Variants in DCC observed in about 807,000 individuals in gnomAD.
The protein encoded by DCC is DCC netrin 1 receptor, also known as netrin receptor DCC.
A neutral mutation model predicts 172.5 loss-of-function variants in DCC; 58 were observed. That is an observed-to-expected ratio of 0.34 (90% CI 0.27 to 0.42). DCC has a LOEUF of 0.42. Among genes scored for constraint, DCC ranks in the 10% least tolerant of loss-of-function variants. The probability of loss-of-function intolerance (pLI) is 1.00; values close to 1 mark genes in which losing one functional copy is unlikely to be tolerated. For synonymous variants in DCC, 709 were observed against 644.5 expected (o/e 1.10, Z -1.52); for missense variants, 1,740 against 1,791.0 (o/e 0.97, Z 0.51).
chr18:53,172,707 A>T (rs1298993278), intron 8 of DCC, among the ~76,000 whole-genome samples: 2 of 152,240 alleles, frequency 1.3e-5, no homozygotes, highest in East Asian at 3.9e-4. Flanking sequence ...AGCAGATGAT[A>T]GACAAATTGA....
At chr18:52,488,632 G>T (rs1145253) in intron 1 of DCC, among the ~76,000 whole-genome samples, 31,128 of 151,980 alleles carry the variant, frequency 0.2, 4,046 homozygotes, top group Non-Finnish European at 0.29. Context: ...TAATTTGTGG[G>T]ACCTTCCAAG....
intron 21 of DCC, 57 bp downstream of exon 21, chr18:53,416,213 A>AGGAT: frequency 8.2e-7 from 1 of 1,221,240 alleles, no homozygotes; most frequent in African/African-American, 1.5e-5. Flanking sequence ...TCTGTTAGAC[A>AGGAT]TGTCAGTCAT....
At chr18:53,210,282 G>A (rs1201532780) in intron 11 of DCC, among the ~76,000 whole-genome samples, 2 of 152,126 alleles carry the variant, frequency 1.3e-5, no homozygotes, top group Admixed American at 1.3e-4. Context: ...ACATTTAATA[G>A]TCACCTGCTT....
chr18:53,249,188 T>G lies in DCC; in HGVS notation c.1911+33591T>G, dbSNP rs543793192. Among the ~76,000 whole-genome samples the G allele has an allele frequency of 2.4e-4, 37 of 152,148 alleles. No homozygotes were observed. In the South Asian group the frequency reaches 7.2e-3, roughly 30 times the overall value. On this transcript the variant is annotated intron_variant, in intron 12 of 28. Transcript: ENST00000442544. ...ATGAGCTTTAGGAATTTACACAGTT[T>G]GCAGAGTTGGTTCACTACATTGTCA...
At chr18:53,319,034 A>G (rs530730208) in intron 13 of DCC, among the ~76,000 whole-genome samples, 33 of 152,324 alleles carry the variant, frequency 2.2e-4, no homozygotes, top group Admixed American at 5.9e-4. Context: ...CAAAGAAGAA[A>G]TAAAAGCCTT....
chr18:52,378,322 A>AG, intron 1 of DCC, among the ~76,000 whole-genome samples: 1 of 151,560 alleles, frequency 6.6e-6, no homozygotes, highest in East Asian at 1.9e-4. Flanking sequence ...AAAAAAAAAA[A>AG]CTAGAATTTC....
At chr18:52,654,072 C>T (rs1214389614) in intron 1 of DCC, among the ~76,000 whole-genome samples, 3 of 152,122 alleles carry the variant, frequency 2.0e-5, no homozygotes, top group African/African-American at 7.2e-5. Flanking sequence ...AAGGGAACAC[C>T]CTTATTTGGA....
chr18:52,817,684 C>G (rs749959592), intron 2 of DCC, among the ~76,000 whole-genome samples: 8 of 152,004 alleles, frequency 5.3e-5, no homozygotes, highest in Non-Finnish European at 1.2e-4. Context: ...TGTGTATGTA[C>G]ACGCATGCAT....
chr18:53,090,314 A>T (rs923752123), intron 7 of DCC, among the ~76,000 whole-genome samples: 1 of 152,100 alleles, frequency 6.6e-6, no homozygotes, highest in African/African-American at 2.4e-5. Flanking sequence ...TCACTTTCTG[A>T]TAGTGAAAAA....
chr18:52,892,081 C>T (rs749814390), intron 2 of DCC, among the ~76,000 whole-genome samples: 2 of 152,076 alleles, frequency 1.3e-5, no homozygotes, highest in African/African-American at 2.4e-5. Context: ...TAATCTTTTG[C>T]CATGTTCCTC....
chr18:53,454,048 G>A (rs2045451196), intron 23 of DCC, among the ~76,000 whole-genome samples: 2 of 152,088 alleles, frequency 1.3e-5, no homozygotes, highest in African/African-American at 4.8e-5. Context: ...ATCTAATACA[G>A]AAAAAATTAT....
At chr18:52,573,212 T>TA (rs1392375504) in intron 1 of DCC, among the ~76,000 whole-genome samples, 1 of 152,096 alleles carries the variant, frequency 6.6e-6, no homozygotes, top group East Asian at 1.9e-4. Flanking sequence ...CTATCAATAA[T>TA]AAAAATACAT....
intron 1 of DCC, among the ~76,000 whole-genome samples, chr18:52,625,921 T>C (rs2034565553): frequency 1.3e-5 from 2 of 152,178 alleles, no homozygotes; most frequent in African/African-American, 2.4e-5. Context: ...TCTCAACTCA[T>C]CAGCGGCTCC....
intron 1 of DCC, 138 bp downstream of exon 1, chr18:52,341,016 G>A (rs1983607562): frequency 2.7e-6 from 2 of 740,320 alleles, no homozygotes; most frequent in Non-Finnish European, 4.8e-6. Flanking sequence ...TTTGCGCACC[G>A]ATGATAAAAG....
chr18:53,280,524 G>A (rs2056858605), intron 12 of DCC, among the ~76,000 whole-genome samples: 1 of 152,090 alleles, frequency 6.6e-6, no homozygotes, highest in South Asian at 2.1e-4. Context: ...GAAGGAGCAT[G>A]CTCTGGAGTT....
intron 1 of DCC, among the ~76,000 whole-genome samples, chr18:52,689,780 T>G (rs2035901767): frequency 6.6e-6 from 1 of 152,156 alleles, no homozygotes; most frequent in African/African-American, 2.4e-5. Flanking sequence ...GGGGTAAAAT[T>G]TCCTTCAATC....
chr18:52,351,905 A>G (rs1376534868), intron 1 of DCC, among the ~76,000 whole-genome samples: 2 of 152,164 alleles, frequency 1.3e-5, no homozygotes, highest in Non-Finnish European at 2.9e-5. Context: ...ACCTGGAACT[A>G]CTGTACCACT....
intron 2 of DCC, among the ~76,000 whole-genome samples, chr18:52,881,242 A>G (rs1290829167): frequency 1.3e-5 from 2 of 152,078 alleles, no homozygotes; most frequent in African/African-American, 4.8e-5. Context: ...CTCCTTATAT[A>G]TTCTGGTTAC....
intron 1 of DCC, among the ~76,000 whole-genome samples, chr18:52,628,860 A>T (rs573317269): frequency 6.6e-6 from 1 of 152,300 alleles, no homozygotes; most frequent in Non-Finnish European, 1.5e-5. Flanking sequence ...AGTGTTATTA[A>T]CATTAACCTA....
Sources: allele counts gnomAD v4.1 joint callset (sites outside exome capture counted in the v4.1 genomes callset), GRCh38; gene constraint gnomAD v4.1.1; transcripts MANE v1.5; gene names NCBI Gene and HGNC (gene_info 2026-07-23, HGNC 2026-07-21).